CCDC102A: variants seen among roughly 807,000 people sequenced by gnomAD.
The protein encoded by CCDC102A is coiled-coil domain-containing protein 102A.
Under a neutral mutation model 55.5 loss-of-function variants are expected in CCDC102A, and 40 were observed. The observed-to-expected ratio is 0.72, with a 90% CI of 0.56 to 0.94. The LOEUF is 0.94. Among genes scored for constraint, CCDC102A ranks in the 40% least tolerant of loss-of-function variants. The pLI is 0.00. For synonymous variants in CCDC102A, 323 were observed against 339.0 expected (o/e 0.95, Z 0.52); for missense variants, 779 against 768.6 (o/e 1.01, Z -0.16).
chr16:57,525,134 C>T (rs1403912744), intron 3 of CCDC102A, among the ~76,000 whole-genome samples: 2 of 152,104 alleles, frequency 1.3e-5, no homozygotes, highest in South Asian at 2.1e-4. Context: ...CTTGCTCTGT[C>T]GCCCAGGATG....
intron 1 of CCDC102A, among the ~76,000 whole-genome samples, chr16:57,530,828 C>T (rs563342577): frequency 1.8e-4 from 27 of 152,024 alleles, no homozygotes; most frequent in African/African-American, 5.5e-4. Flanking sequence ...GGTCCACACT[C>T]GCCGTCTCCA....
At chr16:57,515,846 C>T (rs1446820644) in intron 7 of CCDC102A, among the ~76,000 whole-genome samples, 5 of 151,324 alleles carry the variant, frequency 3.3e-5, no homozygotes, top group Admixed American at 6.6e-5. Flanking sequence ...CCTGCTCTCC[C>T]GGACACACCT....
upstream of CCDC102A, among the ~76,000 whole-genome samples, chr16:57,537,014 T>G (rs576497640): frequency 1.3e-5 from 2 of 152,320 alleles, no homozygotes; most frequent in South Asian, 2.1e-4. Flanking sequence ...CCAACAAGTC[T>G]GTGCCCATCG....
At chr16:57,523,856 C>T (rs1428734056) in intron 3 of CCDC102A, among the ~76,000 whole-genome samples, 2 of 152,106 alleles carry the variant, frequency 1.3e-5, no homozygotes, top group Admixed American at 1.3e-4. Context: ...TCTGGGAACC[C>T]CATGTTGGAG....
At chr16:57,519,925 C>T (rs1370972641) in intron 4 of CCDC102A, among the ~76,000 whole-genome samples, 1 of 152,228 alleles carries the variant, frequency 6.6e-6, no homozygotes, top group African/African-American at 2.4e-5. Context: ...GTGGCGTTCC[C>T]TGGGTGGCTG....
rs764141146 is a variant in CCDC102A, at chr16:57,518,050, C to T, written c.1248+18G>A. 3 of 1,583,122 alleles carry T rather than the reference C, an allele frequency of 1.9e-6. No homozygotes were observed. Among genetic ancestry groups the T allele is most frequent in the Middle Eastern group, 2.0e-4 (1 of 4,976 alleles). ...GAGGTGGCAGCCCCAGCACTGGCCA[C>T]TCCACTCCTTGCCCCACCTTGTTCT... is the stretch of plus-strand genomic sequence containing the variant. On this transcript the variant is annotated intron_variant, in intron 6 of 8. Coordinates refer to ENST00000258214, the MANE Select transcript of CCDC102A (RefSeq NM_033212.4).
chr16:57,512,938 C>T (rs2031892656), intron 8 of CCDC102A, 68 bp from the exon 9 acceptor site: 1 of 1,431,518 alleles, frequency 7.0e-7, no homozygotes, highest in African/African-American at 1.4e-5. Context: ...GTGGCTGCAG[C>T]TGGTGCTGGA....
intron 4 of CCDC102A, among the ~76,000 whole-genome samples, chr16:57,520,237 C>T (rs907769682): frequency 1.2e-4 from 19 of 152,226 alleles, no homozygotes; most frequent in Non-Finnish European, 2.9e-5. Context: ...CCCTGTTTCC[C>T]GCACACGCTG....
At chr16:57,535,017 G>A (rs542204721) in intron 1 of CCDC102A, among the ~76,000 whole-genome samples, 16 of 152,182 alleles carry the variant, frequency 1.1e-4, no homozygotes, top group Non-Finnish European at 2.2e-4. Context: ...CCCCTTCCCC[G>A]GCTCTGAAAC....
At chr16:57,522,517 G>A (rs913623717) in intron 3 of CCDC102A, among the ~76,000 whole-genome samples, 1 of 152,194 alleles carries the variant, frequency 6.6e-6, no homozygotes, top group Admixed American at 6.5e-5. Flanking sequence ...AGCTCCCAAA[G>A]TACTGGGATT....
In CCDC102A at chr16:57,512,608, G is replaced by T; in HGVS notation, c.*133C>A. On this transcript the variant is annotated 3_prime_UTR_variant, in exon 9 of 9. Transcript: ENST00000258214. ...AGGTGGGACTGTTGACGCCATCCCT[G>T]GGAGAGAAGAAAGTCGGCTGTGGCA... is the stretch of plus-strand genomic sequence containing the variant. 8.8e-7 allele frequency: 1 copy of T among 1,138,782 alleles called. No homozygotes were observed. The highest frequency in any genetic ancestry group is 1.2e-6 in the Non-Finnish European group (1 of 808,310). The allele number at this position is 1,138,782 out of a possible 1,614,324, so 70.5% of individuals were successfully genotyped here. A position where few individuals can be genotyped will look rare whatever the true frequency, so the allele number is the denominator to read the frequency against.
At position 57,512,515 on chromosome 16, in the gene CCDC102A, C is replaced by CGT; in HGVS notation, c.*225_*226insAC. The CGT allele has an allele frequency of 2.8e-6, 1 of 359,236 alleles. No individual in the cohort carries two copies. The highest frequency in any genetic ancestry group is 4.3e-5 in the East Asian group (1 of 23,528). The allele number at this position is 359,236 out of a possible 1,614,324, so 22.3% of individuals were successfully genotyped here. ...ATGGGTCCAAAGACTTCTGGGTGTGCGCGCGCGCGCGCGCGTGTGTGTATA... is the reference window on the plus strand; with the variant it reads ...ATGGGTCCAAAGACTTCTGGGTGTGCGTGCGCGCGCGCGCGCGTGTGTGTATA... On this transcript the variant is annotated 3_prime_UTR_variant, in exon 9 of 9. Coordinates refer to ENST00000258214, the MANE Select transcript of CCDC102A (RefSeq NM_033212.4).
chr16:57,532,135 T>G (rs1313899763), intron 1 of CCDC102A, among the ~76,000 whole-genome samples: 2 of 152,252 alleles, frequency 1.3e-5, no homozygotes, highest in East Asian at 1.9e-4. Flanking sequence ...GACCAGTGCT[T>G]CTTCATCAGG....
intron 3 of CCDC102A, among the ~76,000 whole-genome samples, chr16:57,525,205 C>T (rs1219098400): frequency 1.3e-5 from 2 of 152,180 alleles, no homozygotes; most frequent in Non-Finnish European, 2.9e-5. Flanking sequence ...AAGCAATTTT[C>T]CTGCCTCAGC....
intron 4 of CCDC102A, among the ~76,000 whole-genome samples, chr16:57,520,109 C>G (rs1406962084): frequency 2.6e-5 from 4 of 152,210 alleles, no homozygotes; most frequent in African/African-American, 7.2e-5. Flanking sequence ...TCAGTGACAC[C>G]TAGTACAGAT....
upstream of CCDC102A, among the ~76,000 whole-genome samples, chr16:57,536,817 G>C (rs2032404770): frequency 6.6e-6 from 1 of 152,214 alleles, no homozygotes; most frequent in Non-Finnish European, 1.5e-5. Flanking sequence ...CCCGTGAGGG[G>C]CCGAGAGTTG....
intron 6 of CCDC102A, among the ~76,000 whole-genome samples, chr16:57,517,700 T>A (rs1157103384): frequency 6.6e-6 from 1 of 152,232 alleles, no homozygotes; most frequent in African/African-American, 2.4e-5. Context: ...ACCGTGGGCC[T>A]AAGCCAGGTC....
At chr16:57,521,794 G>A (rs1306679532) in intron 3 of CCDC102A, among the ~76,000 whole-genome samples, 1 of 152,206 alleles carries the variant, frequency 6.6e-6, no homozygotes, top group African/African-American at 2.4e-5. Context: ...TGGCAGAGTA[G>A]GTGCTCACCA....
chr16:57,522,787 A>G (rs1490965044), intron 3 of CCDC102A, among the ~76,000 whole-genome samples: 9 of 152,206 alleles, frequency 5.9e-5, no homozygotes, highest in African/African-American at 1.4e-4. Context: ...CTATCATCCC[A>G]TTTAAAGACA....
Sources: gnomAD v4.1 joint callset for allele counts (sites outside exome capture counted in the v4.1 genomes callset) on GRCh38, gnomAD v4.1.1 for gene constraint, MANE v1.5 for transcripts, NCBI Gene and HGNC (gene_info 2026-07-23, HGNC 2026-07-21) for gene names.